Variants in SIPA1L2 observed in about 807,000 individuals in gnomAD.
The protein encoded by SIPA1L2 is signal-induced proliferation-associated 1-like protein 2.
SIPA1L2 carries 56 observed loss-of-function variants against 163.9 expected under a neutral mutation model. The ratio of observed to expected loss-of-function variants is 0.34; its 90% CI spans 0.28 to 0.43. The LOEUF (loss-of-function observed/expected upper bound fraction) is 0.43. Among genes scored for constraint, SIPA1L2 ranks in the 20% least tolerant of loss-of-function variants. The pLI is 1.00. For synonymous variants in SIPA1L2, 877 were observed against 865.7 expected (o/e 1.01, Z -0.23); for missense variants, 1,974 against 2,193.5 (o/e 0.90, Z 2.00).
Position 232,514,501 on chromosome 1 carries a change from C to T in SIPA1L2, c.839G>A (p.Arg280Gln), listed in dbSNP as rs201519099. 1.1e-4 allele frequency: 170 copies of T among 1,614,076 alleles called. No homozygotes were observed. Among genetic ancestry groups the T allele is most frequent in the Non-Finnish European group, 1.2e-4 (146 of 1,180,044 alleles). The part of the protein sequence containing the change: ...MGRDRDKPFK[R>Q]RLKSESVETS... ...TTCCACCGACTCTGATTTCAACCTC[C>T]GTTTGAAAGGCTTGTCCCTGTCTCT... is the stretch of plus-strand genomic sequence containing the variant. The change falls in exon 3 of 23, where the codon CGG becomes CAG. Residue 280 changes from arginine (R) to glutamine (Q), a missense_variant. By Grantham distance (43) the Arg-to-Gln change is conservative. Transcript: ENST00000674635.
chr1:232,611,293 T>C (rs534228112), intron 1 of SIPA1L2, among the ~76,000 whole-genome samples: 1 of 152,174 alleles, frequency 6.6e-6, no homozygotes, highest in Admixed American at 6.5e-5. Context: ...ATACAGTAAA[T>C]TGGTACCAGT....
intron 3 of SIPA1L2, 34 bp from the exon 4 acceptor site, chr1:232,493,694 A>T: frequency 6.2e-7 from 1 of 1,612,252 alleles, no homozygotes; most frequent in East Asian, 2.2e-5. Flanking sequence ...CATCAAAAGA[A>T]TGAAAAAGGA....
At chr1:232,416,354 T>C (rs1464310573) in intron 18 of SIPA1L2, among the ~76,000 whole-genome samples, 4 of 152,226 alleles carry the variant, frequency 2.6e-5, no homozygotes, top group Non-Finnish European at 5.9e-5. Context: ...TCTGCACTAG[T>C]GAGAGGTTGG....
chr1:232,487,281 A>C (rs1024001562), intron 5 of SIPA1L2, among the ~76,000 whole-genome samples: 7 of 152,216 alleles, frequency 4.6e-5, no homozygotes, highest in African/African-American at 1.7e-4. Flanking sequence ...TGAGAAGAAA[A>C]CAAAGCCTCA....
chr1:232,434,196 A>G (rs1027208240), intron 15 of SIPA1L2, among the ~76,000 whole-genome samples: 1 of 152,202 alleles, frequency 6.6e-6, no homozygotes, highest in Admixed American at 6.5e-5. Flanking sequence ...TTTCTGATAC[A>G]TGTATAAAGC....
chr1:232,578,780 C>T (rs911762970), intron 1 of SIPA1L2, among the ~76,000 whole-genome samples: 7 of 152,312 alleles, frequency 4.6e-5, no homozygotes, highest in Admixed American at 3.3e-4. Context: ...ACTCTTTTAA[C>T]TGACGGCTTT....
chr1:232,612,309 T>TA (rs1417769330), intron 1 of SIPA1L2, among the ~76,000 whole-genome samples: 3 of 152,196 alleles, frequency 2.0e-5, no homozygotes, highest in Non-Finnish European at 4.4e-5. Context: ...GGGCACTGCC[T>TA]AGTGGAGCTG....
chr1:232,401,373 T>C (rs1326016441), intron 22 of SIPA1L2, among the ~76,000 whole-genome samples: 1 of 152,142 alleles, frequency 6.6e-6, no homozygotes, highest in Non-Finnish European at 1.5e-5. Context: ...TGCTCCAAAT[T>C]CAAACGTGCT....
chr1:232,483,722 A>C (rs1034756420), intron 6 of SIPA1L2, 70 bp downstream of exon 6: 2 of 1,563,236 alleles, frequency 1.3e-6, no homozygotes, highest in African/African-American at 1.4e-5. Flanking sequence ...GTGATCACTT[A>C]CTTGGATTTA....
At chr1:232,505,253 T>C (rs1049672685) in intron 3 of SIPA1L2, among the ~76,000 whole-genome samples, 1 of 152,226 alleles carries the variant, frequency 6.6e-6, no homozygotes, top group Non-Finnish European at 1.5e-5. Context: ...GTCCAGCTTT[T>C]ATTTTAATTA....
At chr1:232,621,320 G>C (rs1030179365) in intron 1 of SIPA1L2, among the ~76,000 whole-genome samples, 2 of 152,060 alleles carry the variant, frequency 1.3e-5, no homozygotes, top group Non-Finnish European at 1.5e-5. Flanking sequence ...ATAGTGAGTC[G>C]GTAATTCCGC....
chr1:232,485,432 T>C (rs959409251), intron 5 of SIPA1L2, among the ~76,000 whole-genome samples: 1 of 152,164 alleles, frequency 6.6e-6, no homozygotes, highest in African/African-American at 2.4e-5. Flanking sequence ...GAAGAAAAAT[T>C]TGTATTCACC....
chr1:232,519,447 T>A (rs1667362152), intron 2 of SIPA1L2, among the ~76,000 whole-genome samples: 2 of 152,168 alleles, frequency 1.3e-5, no homozygotes, highest in South Asian at 4.1e-4. Flanking sequence ...CAAAACTGGA[T>A]GGCACATGGA....
rs1663038323 is a variant in SIPA1L2 at position 232,443,676 on chromosome 1, G to A, written c.3363C>T (p.Pro1121=). 6.2e-7 allele frequency: 1 copy of A among 1,607,954 alleles called. No homozygotes were observed. The highest frequency in any genetic ancestry group is 8.5e-7 in the Non-Finnish European group (1 of 1,177,188). ...RKLPDGTRSS[P]SNQSSSSDPG... The stretch of plus-strand genomic sequence containing the variant: ...GGTCGCTGGAGGATGACTGGTTGCT[G>A]GGTGAGCTTCTGAAAGGTTGAGTAG... Residue 1121 remains proline (P), a synonymous_variant, in exon 12 of 23, where the codon CCC becomes CCT. Transcript: ENST00000674635.
At chr1:232,587,596 G>C (rs1282783188) in intron 1 of SIPA1L2, among the ~76,000 whole-genome samples, 1 of 152,052 alleles carries the variant, frequency 6.6e-6, no homozygotes, top group Non-Finnish European at 1.5e-5. Context: ...TACACAGCAA[G>C]GCAGTGGCCC....
At chr1:232,445,881 G>A in intron 10 of SIPA1L2, 95 bp from the exon 11 acceptor site, 1 of 1,373,456 alleles carries the variant, frequency 7.3e-7, no homozygotes, top group Non-Finnish European at 1.0e-6. Context: ...CACATCACAT[G>A]GTGTGTGCCT....
At chr1:232,557,060 A>G (rs1316144281) in intron 2 of SIPA1L2, among the ~76,000 whole-genome samples, 2 of 152,130 alleles carry the variant, frequency 1.3e-5, no homozygotes, top group Non-Finnish European at 2.9e-5. Flanking sequence ...ATTAACAAAA[A>G]CTCATGAAGG....
chr1:232,425,082 C>T lies in SIPA1L2; in HGVS notation c.4630+507G>A, dbSNP rs954903657. 5.3e-5 allele frequency among the ~76,000 whole-genome samples: 8 copies of T among 152,134 alleles called. No homozygotes were observed. In the South Asian group the frequency reaches 1.7e-3, roughly 32 times the overall value. ...CACAAGAGAACACACGTCATCTGCA[C>T]AGGAACACAAAGCCGCCCACGGGTA... On this transcript the variant is annotated intron_variant, in intron 18 of 22. Coordinates refer to ENST00000674635, the MANE Select transcript of SIPA1L2 (RefSeq NM_020808.5).
At chr1:232,476,325 C>A (rs894712369) in intron 7 of SIPA1L2, among the ~76,000 whole-genome samples, 3 of 152,094 alleles carry the variant, frequency 2.0e-5, no homozygotes, top group African/African-American at 4.8e-5. Context: ...TCATTAGATA[C>A]CTCCACGAGG....
Sources: gnomAD v4.1 joint callset for allele counts (sites outside exome capture counted in the v4.1 genomes callset) on GRCh38, gnomAD v4.1.1 for gene constraint, MANE v1.5 for transcripts, NCBI Gene and HGNC (gene_info 2026-07-23, HGNC 2026-07-21) for gene names.